SDCCAG8: variants seen among roughly 807,000 people sequenced by gnomAD.
SDCCAG8 encodes serologically defined colon cancer antigen 8.
Under a neutral mutation model 101.8 loss-of-function variants are expected in SDCCAG8, and 74 were observed. The ratio of observed to expected loss-of-function variants is 0.73; its 90% CI spans 0.60 to 0.88. The LOEUF (loss-of-function observed/expected upper bound fraction) is 0.88. Among genes scored for constraint, SDCCAG8 ranks in the 40% least tolerant of loss-of-function variants. SDCCAG8 has a pLI of 0.00. For missense variants in SDCCAG8, 787 were observed against 822.6 expected (o/e 0.96, Z 0.53); for synonymous variants, 281 against 292.9 (o/e 0.96, Z 0.41).
Position 243,489,957 on chromosome 1 carries a change from C to G in SDCCAG8, c.2112+817C>G, listed in dbSNP as rs116541918. On this transcript the variant is annotated intron_variant, in intron 17 of 17. Transcript: ENST00000366541. ...GTCAGAGAGGCTGTGCATTTTGCCC[C>G]GTCAAGCAGTTTGTTAGGATAATGA... Among the ~76,000 whole-genome samples, 242 of 152,258 alleles carry G rather than the reference C, an allele frequency of 1.6e-3. 1 individual carries two copies. Among genetic ancestry groups the G allele is most frequent in the Admixed American group, 3.3e-3 (51 of 15,308 alleles).
chr1:243,331,941 A>G (rs1215988435), intron 10 of SDCCAG8, among the ~76,000 whole-genome samples: 2 of 152,236 alleles, frequency 1.3e-5, no homozygotes, highest in Admixed American at 6.5e-5. Context: ...TGATAAAGCC[A>G]TAAGGTTCGG....
At chr1:243,322,686 T>A (rs2073851415) in intron 9 of SDCCAG8, among the ~76,000 whole-genome samples, 1 of 152,122 alleles carries the variant, frequency 6.6e-6, no homozygotes, top group South Asian at 2.1e-4. Flanking sequence ...GCAACTCAGT[T>A]CTCACTAGCA....
intron 7 of SDCCAG8, chr1:243,306,107 A>AT (rs1325002393): frequency 2.0e-5 from 3 of 148,392 alleles, no homozygotes; most frequent in African/African-American, 7.6e-5. Context: ...AAAAAAAAAA[A>AT]CCGAGCTGGA....
intron 1 of SDCCAG8, 34 bp from the exon 2 acceptor site, chr1:243,270,071 A>C (rs1238945041): frequency 6.2e-7 from 1 of 1,614,178 alleles, no homozygotes; most frequent in South Asian, 1.1e-5. Context: ...ACCAGACTCC[A>C]TGGGTCCTAA....
At chr1:243,286,814 A>G (rs2069665651) in intron 5 of SDCCAG8, among the ~76,000 whole-genome samples, 1 of 152,246 alleles carries the variant, frequency 6.6e-6, no homozygotes, top group African/African-American at 2.4e-5. Flanking sequence ...TGTTGGCCTT[A>G]GGATCCAAGA....
At chr1:243,456,665 A>G (rs2083780998) in intron 16 of SDCCAG8, among the ~76,000 whole-genome samples, 1 of 152,256 alleles carries the variant, frequency 6.6e-6, no homozygotes, top group South Asian at 2.1e-4. Context: ...AAAAGGGGGT[A>G]GAGGGAGGGC....
chr1:243,353,543 TAGA>T (rs1307904868), intron 12 of SDCCAG8, among the ~76,000 whole-genome samples: 1 of 97,678 alleles, frequency 1.0e-5, no homozygotes, highest in African/African-American at 3.8e-5. Flanking sequence ...CCAGCACGGA[TAGA>T]AGAAGAAATT....
At chr1:243,360,177 G>C (rs1253228454) in intron 12 of SDCCAG8, among the ~76,000 whole-genome samples, 2 of 129,686 alleles carry the variant, frequency 1.5e-5, no homozygotes, top group African/African-American at 6.0e-5. Context: ...ATGGTGTCTC[G>C]CTCTGTCACC....
At chr1:243,396,120 C>T (rs1007256130) in intron 13 of SDCCAG8, among the ~76,000 whole-genome samples, 5 of 152,030 alleles carry the variant, frequency 3.3e-5, no homozygotes, top group African/African-American at 1.2e-4. Flanking sequence ...CATTGGTTTG[C>T]CCTTTTCCTA....
intron 6 of SDCCAG8, among the ~76,000 whole-genome samples, chr1:243,298,878 T>G (rs2071226029): frequency 6.6e-6 from 1 of 152,256 alleles, no homozygotes; most frequent in African/African-American, 2.4e-5. Context: ...GCAGACCAAG[T>G]CTTCCAACAT....
chr1:243,409,679 G>T (rs916885931), intron 13 of SDCCAG8, among the ~76,000 whole-genome samples: 1 of 152,050 alleles, frequency 6.6e-6, no homozygotes, highest in East Asian at 1.9e-4. Flanking sequence ...ACCTTGAAAG[G>T]GTTCCCCCTG....
chr1:243,395,131 T>C (rs1385386588), intron 13 of SDCCAG8, among the ~76,000 whole-genome samples: 1 of 152,214 alleles, frequency 6.6e-6, no homozygotes, highest in African/African-American at 2.4e-5. Flanking sequence ...GTGCTTTTCA[T>C]TTGTTTATGT....
chr1:243,289,665 T>C (rs2070021927), intron 5 of SDCCAG8, among the ~76,000 whole-genome samples: 1 of 152,204 alleles, frequency 6.6e-6, no homozygotes, highest in African/African-American at 2.4e-5. Context: ...ACCTAAGTAA[T>C]TGGCCTAATG....
chr1:243,420,981 A>G (rs951217492), intron 15 of SDCCAG8, among the ~76,000 whole-genome samples: 18 of 152,034 alleles, frequency 1.2e-4, no homozygotes, highest in African/African-American at 4.1e-4. Context: ...CCCCATGCCA[A>G]ACTATTGGGA....
chr1:243,462,927 A>G (rs529348094), intron 16 of SDCCAG8, among the ~76,000 whole-genome samples: 12 of 152,336 alleles, frequency 7.9e-5, no homozygotes, highest in African/African-American at 2.2e-4. Context: ...CACACATGCA[A>G]CCAACTCTCT....
intron 16 of SDCCAG8, among the ~76,000 whole-genome samples, chr1:243,429,407 A>G (rs191740699): frequency 6.7e-6 from 1 of 148,298 alleles, no homozygotes; most frequent in East Asian, 2.0e-4. Context: ...AGAGGAGTCA[A>G]AAGTTATGCA....
chr1:243,270,063 C>G, intron 1 of SDCCAG8, 42 bp from the exon 2 acceptor site: 1 of 1,613,996 alleles, frequency 6.2e-7, no homozygotes, highest in Non-Finnish European at 8.5e-7. Flanking sequence ...TTTGGTCAAC[C>G]AGACTCCATG....
intron 16 of SDCCAG8, among the ~76,000 whole-genome samples, chr1:243,452,929 C>G (rs2083474883): frequency 6.6e-6 from 1 of 152,234 alleles, no homozygotes; most frequent in Non-Finnish European, 1.5e-5. Flanking sequence ...TCTTCTTACT[C>G]TGTTGTTTTC....
intron 12 of SDCCAG8, among the ~76,000 whole-genome samples, chr1:243,351,937 C>A (rs553929691): frequency 6.6e-6 from 1 of 152,098 alleles, no homozygotes; most frequent in Non-Finnish European, 1.5e-5. Flanking sequence ...GTGAATAATA[C>A]CGAGTTGGAG....
Sources: gnomAD v4.1 joint callset for allele counts (sites outside exome capture counted in the v4.1 genomes callset) on GRCh38, gnomAD v4.1.1 for gene constraint, MANE v1.5 for transcripts, NCBI Gene and HGNC (gene_info 2026-07-23, HGNC 2026-07-21) for gene names.